Variants in ZFAT observed in about 807,000 individuals in gnomAD.
ZFAT encodes zinc finger protein ZFAT.
In ZFAT, 64 loss-of-function variants were observed where a neutral mutation model predicts 117.7. The observed-to-expected ratio is 0.54, with a 90% CI of 0.44 to 0.67. The LOEUF is 0.67. Ranked by LOEUF, ZFAT falls within the 30% of genes least tolerant of loss-of-function variation. The probability of loss-of-function intolerance (pLI) is 0.00; values close to 1 mark genes in which losing one functional copy is unlikely to be tolerated. For missense variants in ZFAT, 1,433 were observed against 1,584.5 expected (o/e 0.90, Z 1.62); for synonymous variants, 679 against 615.0 (o/e 1.10, Z -1.54).
At position 134,532,861 on chromosome 8, in the gene ZFAT, G is replaced by A; in HGVS notation, c.3088C>T (p.Leu1030=). 6.2e-7 allele frequency: 1 copy of A among 1,609,672 alleles called. No homozygotes were observed. Among genetic ancestry groups the A allele is most frequent in the Non-Finnish European group, 8.5e-7 (1 of 1,178,128 alleles). Residue 1030 remains leucine, a synonymous_variant, in exon 12 of 16, where the codon CTG becomes TTG. Coordinates refer to ENST00000377838, the MANE Select transcript of ZFAT (RefSeq NM_020863.4). ...EEYANVGTGE[L]AAEVLIQQGG... is the part of the protein sequence containing the mutation. ...TGCTGGATGAGCACCTCCGCTGCCA[G>A]CTCCCCGGTGCCCACGTTGGCATAC...
chr8:134,573,684 T>C (rs1468990671), intron 10 of ZFAT, among the ~76,000 whole-genome samples: 2 of 152,252 alleles, frequency 1.3e-5, no homozygotes, highest in Non-Finnish European at 2.9e-5. Context: ...TTCCATTGTT[T>C]CTGTTCATCT....
chr8:134,793,845 C>G, the ZFAT span: 2 of 152,128 alleles, frequency 1.3e-5, no homozygotes, highest in Admixed American at 6.5e-5. Context: ...GTGGTTTAAC[C>G]AATAACTCAT....
intron 8 of ZFAT, among the ~76,000 whole-genome samples, chr8:134,589,658 G>T (rs1323701002): frequency 6.6e-6 from 1 of 152,208 alleles, no homozygotes; most frequent in Admixed American, 6.5e-5. Context: ...ACGTTAGCAG[G>T]GGTGCGGGGT....
the ZFAT span, among the ~76,000 whole-genome samples, chr8:134,812,518 T>C: frequency 6.6e-6 from 1 of 152,008 alleles, no homozygotes; most frequent in Non-Finnish European, 1.5e-5. Flanking sequence ...ATCACTTGAG[T>C]CCAGGAGTTC....
chr8:134,648,730 T>C (rs1459074378), intron 2 of ZFAT, among the ~76,000 whole-genome samples: 1 of 152,088 alleles, frequency 6.6e-6, no homozygotes, highest in Admixed American at 6.6e-5. Flanking sequence ...TTAACACCAA[T>C]ACTTAAAAAT....
At chr8:134,722,382 G>A in the ZFAT span, among the ~76,000 whole-genome samples, 1 of 152,184 alleles carries the variant, frequency 6.6e-6, no homozygotes, top group Admixed American at 6.5e-5. Flanking sequence ...TGGCTCTCTT[G>A]GCCAGCATCA....
chr8:134,600,332 T>C, intron 7 of ZFAT, 104 bp downstream of exon 7: 1 of 1,068,022 alleles, frequency 9.4e-7, no homozygotes, highest in Non-Finnish European at 1.5e-6. Flanking sequence ...CTCTCTATGT[T>C]TTCAGGGCTG....
At chr8:134,757,707 C>G in the ZFAT span, among the ~76,000 whole-genome samples, 3 of 152,178 alleles carry the variant, frequency 2.0e-5, no homozygotes, top group Non-Finnish European at 4.4e-5. Context: ...TAAAAACAGA[C>G]TCAGGATAAG....
At chr8:134,596,143 C>A (rs1177406081) in intron 7 of ZFAT, among the ~76,000 whole-genome samples, 4 of 152,230 alleles carry the variant, frequency 2.6e-5, no homozygotes, top group Admixed American at 2.0e-4. Flanking sequence ...CCTAGCTAGA[C>A]CCTGCCATGA....
the ZFAT span, among the ~76,000 whole-genome samples, chr8:134,814,871 C>T: frequency 1.3e-5 from 2 of 152,184 alleles, no homozygotes; most frequent in Non-Finnish European, 2.9e-5. Flanking sequence ...AGATACAAAG[C>T]AAACAGATGT....
chr8:134,695,834 G>A (rs1478143773), intron 1 of ZFAT, among the ~76,000 whole-genome samples: 2 of 140,570 alleles, frequency 1.4e-5, no homozygotes, highest in African/African-American at 5.4e-5. Flanking sequence ...TCTAATCAAG[G>A]AGGCGCCACC....
intron 2 of ZFAT, among the ~76,000 whole-genome samples, chr8:134,645,103 G>C (rs1440699457): frequency 1.3e-5 from 2 of 152,150 alleles, no homozygotes; most frequent in African/African-American, 2.4e-5. Flanking sequence ...AAAATGAAAG[G>C]TCTTTCTGCA....
chr8:134,754,325 T>C, the ZFAT span, among the ~76,000 whole-genome samples: 1 of 152,204 alleles, frequency 6.6e-6, no homozygotes, highest in African/African-American at 2.4e-5. Flanking sequence ...GCAACAGTTA[T>C]GACATTACTG....
intron 1 of ZFAT, among the ~76,000 whole-genome samples, chr8:134,676,418 C>T (rs867122082): frequency 3.3e-5 from 5 of 152,126 alleles, no homozygotes; most frequent in East Asian, 1.9e-4. Flanking sequence ...TATACGCACC[C>T]GATACAGGTG....
intron 11 of ZFAT, among the ~76,000 whole-genome samples, chr8:134,538,422 G>A (rs1286211663): frequency 1.3e-5 from 2 of 152,224 alleles, no homozygotes; most frequent in Non-Finnish European, 2.9e-5. Flanking sequence ...TCAGCAAGTT[G>A]AGGAGAAAAG....
At chr8:134,559,570 A>G (rs1350032064) in intron 11 of ZFAT, among the ~76,000 whole-genome samples, 2 of 152,244 alleles carry the variant, frequency 1.3e-5, no homozygotes, top group Non-Finnish European at 1.5e-5. Flanking sequence ...GAGTCGAAGA[A>G]CACATGCATT....
At position 134,507,717 on chromosome 8, in the gene ZFAT, G is replaced by A. The variant is rs1011004256; in HGVS notation, c.3492+1902C>T. ...CCTCGTGTATCACTGCATTGCCTGC[G>A]AGGCTCAATAAATCATGTCTCCCAG... On this transcript the variant is annotated intron_variant, in intron 15 of 15. Coordinates refer to ENST00000377838, the MANE Select transcript of ZFAT (RefSeq NM_020863.4). Among the ~76,000 whole-genome samples the A allele has an allele frequency of 8.5e-5, 13 of 152,188 alleles. No homozygotes were observed. The East Asian group carries it at 2.5e-3, about 29-fold the overall frequency.
chr8:134,573,003 T>A (rs890861138), intron 10 of ZFAT, among the ~76,000 whole-genome samples: 1 of 152,200 alleles, frequency 6.6e-6, no homozygotes, highest in Non-Finnish European at 1.5e-5. Flanking sequence ...AGAACACATA[T>A]TGTATGAATC....
At chr8:134,777,659 T>C in the ZFAT span, among the ~76,000 whole-genome samples, 1 of 152,220 alleles carries the variant, frequency 6.6e-6, no homozygotes. Context: ...ATTGCTGCCC[T>C]TATAAATTTA....
Sources: allele counts gnomAD v4.1 joint callset (sites outside exome capture counted in the v4.1 genomes callset), GRCh38; gene constraint gnomAD v4.1.1; transcripts MANE v1.5; gene names NCBI Gene and HGNC (gene_info 2026-07-23, HGNC 2026-07-21).